Variants in PPP1R36 observed in about 807,000 individuals in gnomAD.
The protein encoded by PPP1R36 is chromosome 14 open reading frame 50.
In PPP1R36, 47 loss-of-function variants were observed where a neutral mutation model predicts 53.4. That is an observed-to-expected ratio of 0.88 (90% confidence interval 0.70 to 1.12). The LOEUF is 1.12. Among genes scored for constraint, PPP1R36 ranks in the 50% most tolerant of loss-of-function variants. PPP1R36 has a pLI of 0.00. For synonymous variants in PPP1R36, 153 were observed against 170.5 expected (o/e 0.90, Z 0.80); for missense variants, 456 against 513.9 (o/e 0.89, Z 1.09).
intron 1 of PPP1R36, 155 bp downstream of exon 1, chr14:64,550,221 T>G: frequency 7.4e-7 from 1 of 1,360,048 alleles, no homozygotes; most frequent in Non-Finnish European, 9.5e-7. Context: ...CATATTTGCC[T>G]AGAAAAAAAA....
chr14:64,581,096 T>C (rs989609690), intron 8 of PPP1R36, among the ~76,000 whole-genome samples: 3 of 152,198 alleles, frequency 2.0e-5, no homozygotes, highest in African/African-American at 7.2e-5. Context: ...CAGGAGTACA[T>C]TTCAGGAAAG....
chr14:64,573,179 A>G (rs1000915462), intron 7 of PPP1R36, among the ~76,000 whole-genome samples: 3 of 152,220 alleles, frequency 2.0e-5, no homozygotes, highest in Non-Finnish European at 4.4e-5. Context: ...ATCATCAGCA[A>G]TATTTCCTAC....
chr14:64,568,416 T>C lies in PPP1R36; in HGVS notation c.502T>C (p.Ser168Pro). The change falls in exon 7 of 12, where the codon TCA becomes CCA. Residue 168 changes from serine to proline, a missense_variant. Ser to Pro is a moderately conservative substitution (Grantham distance 74, BLOSUM62 -1). Transcript: ENST00000298705. ...CTTATCCCATTACTTGGAAAAAAACTCACTGGAAAAGAAACCCAAAAGCTA... is the reference window on the plus strand; with the variant it reads ...CTTATCCCATTACTTGGAAAAAAACCCACTGGAAAAGAAACCCAAAAGCTA... ...YYLSHYLEKNSLEKKPKSYMV... is the reference protein window; with the variant it reads ...YYLSHYLEKNPLEKKPKSYMV... 1 of 1,563,572 alleles carries C rather than the reference T, an allele frequency of 6.4e-7. No individual in the cohort carries two copies. Among genetic ancestry groups the C allele is most frequent in the South Asian group, 1.2e-5 (1 of 85,920 alleles).
At chr14:64,577,148 A>C (rs1183825251) in intron 8 of PPP1R36, among the ~76,000 whole-genome samples, 2 of 152,114 alleles carry the variant, frequency 1.3e-5, no homozygotes, top group Non-Finnish European at 2.9e-5. Context: ...TTGTATCCTC[A>C]CCATGGCAGA....
At position 64,556,762 on chromosome 14, in the gene PPP1R36, A is replaced by ATGTGTGTGTGTGTGTGTGTG. The variant is rs369620598; in HGVS notation, c.182+3915_182+3934dup. Among the ~76,000 whole-genome samples the ATGTGTGTGTGTGTGTGTGTG allele has an allele frequency of 1.4e-3, 186 of 134,052 alleles. 2 individuals carry two copies. Among genetic ancestry groups the ATGTGTGTGTGTGTGTGTGTG allele is most frequent in the East Asian group, 0.012 (52 of 4,310 alleles). 87.9% of individuals were successfully genotyped at this position (134,052 alleles called of 152,430 possible). On this transcript the variant is annotated intron_variant, in intron 3 of 11. Transcript: ENST00000298705. The stretch of plus-strand genomic sequence containing the variant: ...TAGAGTGAGACCCAATCTCCAAAAA[A>ATGTGTGTGTGTGTGTGTGTG]TGTGTGTGTGTGTGTGTGTGTGTGT...
rs2080273819 is a variant in PPP1R36 at position 64,567,959 on chromosome 14, C to G, written c.435-390C>G. 5.3e-5 allele frequency among the ~76,000 whole-genome samples: 8 copies of G among 152,274 alleles called. No individual in the cohort carries two copies. In the South Asian group the frequency reaches 1.7e-3, roughly 32 times the overall value. The stretch of plus-strand genomic sequence containing the variant: ...ATGAGCCACTGTGCCTGGCCCATAC[C>G]AAACTCTTAATAGTGGTTACCACTA... On this transcript the variant is annotated intron_variant, in intron 6 of 11. Transcript: ENST00000298705.
chr14:64,550,110 G>C (rs1158850514), intron 1 of PPP1R36, 44 bp downstream of exon 1: 1 of 1,542,700 alleles, frequency 6.5e-7, no homozygotes, highest in Admixed American at 2.0e-5. Context: ...CTGGGCGCAA[G>C]GCGGGCCCTG....
intron 11 of PPP1R36, 54 bp from the exon 12 acceptor site, chr14:64,589,098 G>A (rs970048155): frequency 3.0e-6 from 4 of 1,353,380 alleles, no homozygotes; most frequent in Non-Finnish European, 3.1e-6. Context: ...TCTCAACCCT[G>A]CACGTCAGTC....
chr14:64,552,796 T>C lies in PPP1R36; in HGVS notation c.135-18T>C. 6.2e-7 allele frequency: 1 copy of C among 1,611,440 alleles called. No homozygotes were observed. Among genetic ancestry groups the C allele is most frequent in the East Asian group, 2.2e-5 (1 of 44,852 alleles). On this transcript the variant is annotated intron_variant, in intron 2 of 11. Coordinates refer to ENST00000298705, the MANE Select transcript of PPP1R36 (RefSeq NM_172365.3). Reference sequence around the variant, plus strand: ...TAACCCGTCACTTCAAAGCAGTAATTTCAGTTTTCTTTCTCAGGTTTGCCG... The same window carrying C: ...TAACCCGTCACTTCAAAGCAGTAATCTCAGTTTTCTTTCTCAGGTTTGCCG...
At chr14:64,575,554 T>C (rs2080335107) in intron 8 of PPP1R36, among the ~76,000 whole-genome samples, 1 of 152,252 alleles carries the variant, frequency 6.6e-6, no homozygotes, top group Admixed American at 6.5e-5. Flanking sequence ...TATTTCCTTA[T>C]GGCTTATTTT....
At chr14:64,587,634 G>A (rs2080446806) in intron 10 of PPP1R36, among the ~76,000 whole-genome samples, 1 of 151,338 alleles carries the variant, frequency 6.6e-6, no homozygotes, top group African/African-American at 2.4e-5. Context: ...CTAATTTTTT[G>A]TATTTTTAGT....
chr14:64,555,712 T>G (rs2080144383), intron 3 of PPP1R36, among the ~76,000 whole-genome samples: 1 of 151,970 alleles, frequency 6.6e-6, no homozygotes, highest in African/African-American at 2.4e-5. Flanking sequence ...CTGAACAACA[T>G]AGCAAGACCC....
intron 8 of PPP1R36, among the ~76,000 whole-genome samples, chr14:64,576,921 C>T (rs950462473): frequency 2.0e-5 from 3 of 152,198 alleles, no homozygotes; most frequent in African/African-American, 7.2e-5. Flanking sequence ...AGCAGTGGCC[C>T]CAGCTGTTGC....
chr14:64,575,755 A>C (rs1172554642), intron 8 of PPP1R36, among the ~76,000 whole-genome samples: 1 of 151,460 alleles, frequency 6.6e-6, no homozygotes, highest in African/African-American at 2.4e-5. Context: ...GGTTCACGCC[A>C]TTCTCCTGTC....
intron 11 of PPP1R36, 50 bp downstream of exon 11, chr14:64,588,345 G>C (rs1222081870): frequency 2.6e-6 from 4 of 1,528,974 alleles, no homozygotes; most frequent in African/African-American, 1.4e-5. Context: ...GGCATCCCAG[G>C]TGGGGCTGGA....
At chr14:64,584,162 A>C (rs2080413266) in intron 8 of PPP1R36, among the ~76,000 whole-genome samples, 1 of 152,108 alleles carries the variant, frequency 6.6e-6, no homozygotes, top group African/African-American at 2.4e-5. Context: ...TTAGCATCCC[A>C]AAGTGCTGGG....
intron 8 of PPP1R36, 56 bp downstream of exon 8, chr14:64,574,645 T>A: frequency 1.3e-6 from 2 of 1,535,060 alleles, no homozygotes; most frequent in Non-Finnish European, 1.8e-6. Context: ...CTCACATCCT[T>A]AAGATGCTTC....
At chr14:64,552,537 G>T (rs113615957) in intron 2 of PPP1R36, among the ~76,000 whole-genome samples, 4,158 of 150,510 alleles carry the variant, frequency 0.028, 65 homozygotes, top group Middle Eastern at 0.054. Flanking sequence ...GTTTCAGGTT[G>T]CTATGACTTG....
intron 3 of PPP1R36, among the ~76,000 whole-genome samples, chr14:64,554,904 C>T (rs2080135465): frequency 6.6e-6 from 1 of 151,846 alleles, no homozygotes; most frequent in Non-Finnish European, 1.5e-5. Flanking sequence ...CCCTGTAGGA[C>T]CCCCAGGTTA....
Sources: allele counts gnomAD v4.1 joint callset (sites outside exome capture counted in the v4.1 genomes callset), GRCh38; gene constraint gnomAD v4.1.1; transcripts MANE v1.5; gene names NCBI Gene and HGNC (gene_info 2026-07-23, HGNC 2026-07-21).